ZNF816: variants seen among roughly 807,000 people sequenced by gnomAD.
The protein encoded by ZNF816 is zinc finger protein 816.
ZNF816 carries 11 observed loss-of-function variants against 8.3 expected under a neutral mutation model. The ratio of observed to expected loss-of-function variants is 1.32; its 90% confidence interval spans 0.83 to 2.19. The LOEUF is 2.19. ZNF816 is among the 30% of genes most tolerant of loss of function. The probability of loss-of-function intolerance (pLI) is 0.00; values close to 1 mark genes in which losing one functional copy is unlikely to be tolerated. For missense variants in ZNF816, 710 were observed against 779.3 expected (o/e 0.91, Z 1.06); for synonymous variants, 255 against 254.5 (o/e 1.00, Z -0.02).
chr19:52,951,899 G>GAA, intron 3 of ZNF816: 3 of 372,306 alleles, frequency 8.1e-6, no homozygotes, highest in Non-Finnish European at 1.4e-5. Context: ...ATTCTGTGTA[G>GAA]AAAAAAAAAA....
intron 2 of ZNF816, among the ~76,000 whole-genome samples, chr19:52,955,218 C>G (rs1768777828): frequency 6.6e-6 from 1 of 152,078 alleles, no homozygotes; most frequent in Admixed American, 6.5e-5. Context: ...AAAAAAGTCT[C>G]TGTGGGGTCA....
At chr19:52,953,298 C>T in intron 2 of ZNF816, 2 of 324,936 alleles carry the variant, frequency 6.2e-6, no homozygotes, top group East Asian at 1.2e-4. Flanking sequence ...GAGGCTGATG[C>T]ACGAGAATAA....
rs1371812180 is a variant in ZNF816 at position 52,951,491 on chromosome 19, C to A, written c.284G>T (p.Ser95Ile). 3 of 1,613,776 alleles carry A rather than the reference C, an allele frequency of 1.9e-6. No individual in the cohort carries two copies. The Admixed American group carries it at 5.0e-5, about 27-fold the overall frequency. The change falls in exon 4 of 4, where the codon AGT becomes ATT. Residue 95 changes from serine to isoleucine, a missense_variant. Coordinates refer to ENST00000444460, the MANE Select transcript of ZNF816 (RefSeq NM_001202457.3). ...IHTGTLQRHK[S>I]HHIGDFCFPE... Reference sequence around the variant, plus strand: ...GAAGCAAAAATCTCCAATGTGATGACTTTTATGTCTTTGCAACGTCCCTGT... The same window carrying A: ...GAAGCAAAAATCTCCAATGTGATGAATTTTATGTCTTTGCAACGTCCCTGT...
Position 52,956,105 on chromosome 19 carries a change from C to A in ZNF816, c.-15-1G>T, listed in dbSNP as rs754864139. On this transcript the variant is annotated splice_acceptor_variant, in intron 1 of 3. Coordinates refer to ENST00000444460, the MANE Select transcript of ZNF816 (RefSeq NM_001202457.3). LOFTEE classifies it low-confidence loss of function (5UTR_SPLICE). ...CACGTAACATGAGTCTTTGGAAATC[C>A]TGTATGTTAAAAAAGCAAGAGATTT... The A allele has an allele frequency of 1.9e-6, 3 of 1,600,818 alleles. No individual in the cohort carries two copies. The South Asian group carries it at 3.3e-5, about 18-fold the overall frequency.
intron 2 of ZNF816, among the ~76,000 whole-genome samples, chr19:52,953,572 A>G (rs1248641546): frequency 1.1e-5 from 1 of 93,956 alleles, no homozygotes; most frequent in East Asian, 2.3e-4. Flanking sequence ...TGTATTTATA[A>G]AATATAATAT....
In ZNF816 at chr19:52,950,471, C is replaced by A; in HGVS notation, c.1304G>T (p.Arg435Leu). ...ATGTTCTGCAAGGTATGAATCACTCCGGAAAACCTTGTCACAAACCTTACA... is the reference window on the plus strand; with the variant it reads ...ATGTTCTGCAAGGTATGAATCACTCAGGAAAACCTTGTCACAAACCTTACA... ...YKCKVCDKVF[R>L]SDSYLAEHQR... The change falls in exon 4 of 4, where the codon CGG becomes CTG. Residue 435 changes from arginine to leucine, a missense_variant. Transcript: ENST00000444460. The A allele has an allele frequency of 6.2e-7, 1 of 1,613,732 alleles. No individual in the cohort carries two copies. Among genetic ancestry groups the A allele is most frequent in the Non-Finnish European group, 8.5e-7 (1 of 1,179,986 alleles).
chr19:52,951,372 A>C lies in ZNF816; in HGVS notation c.403T>G (p.Leu135Val). 1 of 1,614,140 alleles carries C rather than the reference A, an allele frequency of 6.2e-7. No homozygotes were observed. The highest frequency in any genetic ancestry group is 8.5e-7 in the Non-Finnish European group (1 of 1,179,978). Residue 135 changes from leucine (L) to valine (V), a missense_variant, in exon 4 of 4, where the codon TTG becomes GTG. Leu to Val is a conservative substitution (Grantham distance 32, BLOSUM62 1). Transcript: ENST00000444460. ...HEAPMTKIKK[L>V]TGSTDRSDHR... ...TCACTTCGGTCTGTACTACCAGTCA[A>C]CTTTTTGATTTTTGTCATGGGTGCT...
chr19:52,953,285 T>A, intron 2 of ZNF816: 1 of 309,570 alleles, frequency 3.2e-6, no homozygotes, highest in Non-Finnish European at 6.5e-6. Flanking sequence ...CCCAGCTACC[T>A]GGGAGGCTGA....
intron 1 of ZNF816, among the ~76,000 whole-genome samples, chr19:52,958,355 A>G (rs745620628): frequency 5.9e-5 from 9 of 152,204 alleles, no homozygotes; most frequent in Non-Finnish European, 1.0e-4. Context: ...TTTCTTTAGC[A>G]TTAGACTAGC....
chr19:52,950,789 C>A lies in ZNF816; in HGVS notation c.986G>T (p.Arg329Ile), dbSNP rs74796183. The A allele has an allele frequency of 1.9e-6, 3 of 1,602,242 alleles. No homozygotes were observed. The highest frequency in any genetic ancestry group is 1.5e-5 in the African/African-American group (1 of 66,794). ...TCCAGTATGAAGTCTACGATGGCATCTAAGGGATGACTTCTCACTGAAGGT... is the reference window on the plus strand; with the variant it reads ...TCCAGTATGAAGTCTACGATGGCATATAAGGGATGACTTCTCACTGAAGGT... ...GKTFSEKSSL[R>I]CHRRLHTGEK... The change falls in exon 4 of 4, where the codon AGA becomes ATA. Residue 329 changes from arginine (R) to isoleucine (I), a missense_variant. Coordinates refer to ENST00000444460, the MANE Select transcript of ZNF816 (RefSeq NM_001202457.3).
intron 1 of ZNF816, chr19:52,960,048 C>A (rs1208056235): frequency 6.4e-6 from 1 of 155,554 alleles, no homozygotes; most frequent in African/African-American, 2.4e-5. Flanking sequence ...CTGCTAGGAG[C>A]CACAGTTGTA....
At chr19:52,955,788 C>A (rs2083504876) in intron 2 of ZNF816, among the ~76,000 whole-genome samples, 1 of 152,196 alleles carries the variant, frequency 6.6e-6, no homozygotes, top group Non-Finnish European at 1.5e-5. Flanking sequence ...CATCTCCATC[C>A]ATGTCTGGTG....
In ZNF816 at chr19:52,954,032, C is replaced by G. The variant is rs138868365; in HGVS notation, c.64-1155G>C. On this transcript the variant is annotated intron_variant, in intron 2 of 3. Transcript: ENST00000444460. ...ATCCTGCCTGAGCAACAGACTGAGA[C>G]TCTTTCTCAAAAAAAAAAAAAAAAA... 4.5e-3 allele frequency among the ~76,000 whole-genome samples: 481 copies of G among 105,930 alleles called. 3 individuals are homozygous for G. Among genetic ancestry groups the G allele is most frequent in the African/African-American group, 0.023 (461 of 19,640 alleles). 69.5% of individuals were successfully genotyped at this position (105,930 alleles called of 152,430 possible). A position where few individuals can be genotyped will look rare whatever the true frequency, so the allele number is the denominator to read the frequency against.
Position 52,949,662 on chromosome 19 carries a change from A to T in ZNF816, c.*157T>A, listed in dbSNP as rs1332349004. ...ACCTTGTCACAGTCATGATATTTGT[A>T]AGGTTTCTCTCCAGTATGAGTTCAC... On this transcript the variant is annotated 3_prime_UTR_variant, in exon 4 of 4. Coordinates refer to ENST00000444460, the MANE Select transcript of ZNF816 (RefSeq NM_001202457.3). The T allele has an allele frequency of 8.7e-7, 1 of 1,143,626 alleles. No homozygotes were observed. Among genetic ancestry groups the T allele is most frequent in the Non-Finnish European group, 1.3e-6 (1 of 766,974 alleles). The allele number at this position is 1,143,626 out of a possible 1,614,324, so 70.8% of individuals were successfully genotyped here. A position where few individuals can be genotyped will look rare whatever the true frequency, so the allele number is the denominator to read the frequency against.
chr19:52,950,278 A>G lies in ZNF816; in HGVS notation c.1497T>C (p.His499=), dbSNP rs1364827317. ...GTTTCTCTCCAGCATGAAGTCTATG[A>G]TGACGTGCAAGGTTTTCTCTTCGAC... ...VFSRRENLAR[H]HRLHAGEKPY... is the part of the protein sequence containing the mutation. Residue 499 remains histidine, a synonymous_variant, in exon 4 of 4, where the codon CAT becomes CAC. Coordinates refer to ENST00000444460, the MANE Select transcript of ZNF816 (RefSeq NM_001202457.3). The G allele has an allele frequency of 6.2e-7, 1 of 1,613,398 alleles. No individual in the cohort carries two copies. The highest frequency in any genetic ancestry group is 1.7e-5 in the Admixed American group (1 of 59,944).
chr19:52,960,099 T>C (rs1383196303), intron 1 of ZNF816: 1 of 164,324 alleles, frequency 6.1e-6, no homozygotes, highest in Non-Finnish European at 1.3e-5. Context: ...CAGGAGTCAC[T>C]TGAACAGTTG....
At chr19:52,960,667 T>C (rs1167378188) in intron 1 of ZNF816, among the ~76,000 whole-genome samples, 1 of 152,180 alleles carries the variant, frequency 6.6e-6, no homozygotes, top group African/African-American at 2.4e-5. Flanking sequence ...CCCGGGTGAT[T>C]GAGTGTGGAT....
chr19:52,956,403 C>G (rs947520200), intron 1 of ZNF816: 91 of 250,798 alleles, frequency 3.6e-4, no homozygotes, highest in Middle Eastern at 2.6e-3. Context: ...AGCCCCCTCA[C>G]CTCCCTGTGG....
intron 3 of ZNF816, chr19:52,952,022 GTGA>G: frequency 2.5e-6 from 1 of 396,978 alleles, no homozygotes; most frequent in East Asian, 3.6e-5. Context: ...ATTCGTTTAT[GTGA>G]TGAACACTGT....
Sources: allele counts gnomAD v4.1 joint callset (sites outside exome capture counted in the v4.1 genomes callset), GRCh38; gene constraint gnomAD v4.1.1; transcripts MANE v1.5; gene names NCBI Gene and HGNC (gene_info 2026-07-23, HGNC 2026-07-21).